SV2B: variants seen among roughly 807,000 people sequenced by gnomAD.
SV2B encodes synaptic vesicle glycoprotein 2B, also known as solute carrier family 22 member B2.
In SV2B, 41 loss-of-function variants were observed where a neutral mutation model predicts 73.9. The observed-to-expected ratio is 0.56, with a 90% CI of 0.43 to 0.72. The LOEUF (loss-of-function observed/expected upper bound fraction) is 0.72. Ranked by LOEUF, SV2B falls within the 30% of genes least tolerant of loss-of-function variation. The pLI, the probability that SV2B is intolerant of heterozygous loss-of-function variation, is 0.00. For synonymous variants in SV2B, 314 were observed against 314.2 expected (o/e 1.00, Z 0.01); for missense variants, 764 against 857.8 (o/e 0.89, Z 1.37).
chr15:91,290,527 A>G lies in SV2B; in HGVS notation c.1868+847A>G, dbSNP rs2049005820. 6.6e-6 allele frequency among the ~76,000 whole-genome samples: 1 copy of G among 152,232 alleles called. No homozygotes were observed. Among genetic ancestry groups the G allele is most frequent in the Admixed American group, 6.5e-5 (1 of 15,282 alleles). On this transcript the variant is annotated intron_variant, in intron 12 of 12. Transcript: ENST00000394232. The surrounding 1 kb of genome is among the most constrained non-coding windows in gnomAD (Gnocchi z 4.7). ...AAGAGAATTAACTTATGAGACCACT[A>G]TAGACAAAAAGACAATGTGGTCAGG...
At chr15:91,257,547 C>T (rs1183077020) in intron 4 of SV2B, among the ~76,000 whole-genome samples, 1 of 152,160 alleles carries the variant, frequency 6.6e-6, no homozygotes, top group East Asian at 1.9e-4. Context: ...TGATGGGATG[C>T]ATTGGAATGT....
chr15:91,129,932 G>A lies in SV2B; in HGVS notation c.-392+29569G>A, dbSNP rs2042591951. On this transcript the variant is annotated intron_variant, in intron 1 of 12. Coordinates refer to ENST00000394232, the MANE Select transcript of SV2B (RefSeq NM_001323032.3). This position sits in a 1 kb window ranked among gnomAD's most constrained non-coding sequence, Gnocchi z 5.1. ...ATGCATGTAACACGCTTAGCTCAGTGCCTGGTCCTTGGCAAAGGCTCAGCA... is the reference window on the plus strand; with the variant it reads ...ATGCATGTAACACGCTTAGCTCAGTACCTGGTCCTTGGCAAAGGCTCAGCA... Among the ~76,000 whole-genome samples the A allele has an allele frequency of 6.6e-6, 1 of 152,194 alleles. No homozygotes were observed. Among genetic ancestry groups the A allele is most frequent in the African/African-American group, 2.4e-5 (1 of 41,446 alleles).
At chr15:91,215,081 T>C (rs1206394896) in intron 1 of SV2B, among the ~76,000 whole-genome samples, 1 of 152,200 alleles carries the variant, frequency 6.6e-6, no homozygotes, top group African/African-American at 2.4e-5. Context: ...TGTCTCCTCT[T>C]GGAGAGCTCA....
chr15:91,286,127 G>A (rs2048852532), intron 11 of SV2B, among the ~76,000 whole-genome samples: 1 of 152,204 alleles, frequency 6.6e-6, no homozygotes, highest in Admixed American at 6.5e-5. Flanking sequence ...AGCTGAGACA[G>A]GACCTTCTTT....
chr15:91,135,599 G>T (rs2042796887), intron 1 of SV2B, among the ~76,000 whole-genome samples: 1 of 152,204 alleles, frequency 6.6e-6, no homozygotes, highest in South Asian at 2.1e-4. Flanking sequence ...ATGTAAAACA[G>T]CGTCTGTCTG....
intron 1 of SV2B, among the ~76,000 whole-genome samples, chr15:91,187,483 A>C (rs2044819194): frequency 6.6e-6 from 1 of 152,164 alleles, no homozygotes; most frequent in Admixed American, 6.5e-5. Context: ...CTGCTTATGA[A>C]ATCAGTGGCT....
chr15:91,182,343 G>A (rs2044611410), intron 1 of SV2B, among the ~76,000 whole-genome samples: 1 of 152,160 alleles, frequency 6.6e-6, no homozygotes, highest in African/African-American at 2.4e-5. Context: ...CTCATGTTGT[G>A]GCTGGCACAT....
chr15:91,224,981 G>GA lies in SV2B; in HGVS notation c.-391-884dup, dbSNP rs1275286157. Among the ~76,000 whole-genome samples, 8 of 151,730 alleles carry GA rather than the reference G, an allele frequency of 5.3e-5. No individual in the cohort carries two copies. Among genetic ancestry groups the GA allele is most frequent in the African/African-American group, 1.5e-4 (6 of 41,322 alleles). On this transcript the variant is annotated intron_variant, in intron 1 of 12. Transcript: ENST00000394232. This position sits in a 1 kb window ranked among gnomAD's most constrained non-coding sequence, Gnocchi z 4.9. The stretch of plus-strand genomic sequence containing the variant: ...CTGGTGTCCAGAATTGGAACTAGGG[G>GA]AAAAAAAAGAAGCAACACTCATGTC...
At chr15:91,269,762 A>G (rs2048231934) in intron 9 of SV2B, among the ~76,000 whole-genome samples, 1 of 152,222 alleles carries the variant, frequency 6.6e-6, no homozygotes, top group African/African-American at 2.4e-5. Context: ...GGAGAATATT[A>G]TTTCTACCAA....
chr15:91,275,773 C>G (rs2141726614), intron 9 of SV2B, among the ~76,000 whole-genome samples: 1 of 152,282 alleles, frequency 6.6e-6, no homozygotes, highest in African/African-American at 2.4e-5. Flanking sequence ...TTGCAGTGAG[C>G]TGAGATACCA....
At position 91,115,709 on chromosome 15, in the gene SV2B, G is replaced by T. The variant is rs2042160515; in HGVS notation, c.-392+15346G>T. Reference sequence around the variant, plus strand: ...TTTTTTTCTAAGGGGTTTCTAAGGGGTTCACATTTTTATAACCATCTCCTT... The same window carrying T: ...TTTTTTTCTAAGGGGTTTCTAAGGGTTTCACATTTTTATAACCATCTCCTT... On this transcript the variant is annotated intron_variant, in intron 1 of 12. Coordinates refer to ENST00000394232, the MANE Select transcript of SV2B (RefSeq NM_001323032.3). The surrounding 1 kb of genome is among the most constrained non-coding windows in gnomAD (Gnocchi z 4.3). Among the ~76,000 whole-genome samples the T allele has an allele frequency of 6.6e-6, 1 of 151,932 alleles. No individual in the cohort carries two copies. The highest frequency in any genetic ancestry group is 1.5e-5 in the Non-Finnish European group (1 of 68,004).
chr15:91,101,719 A>G (rs1489923407), intron 1 of SV2B: 1 of 152,074 alleles, frequency 6.6e-6, no homozygotes, highest in African/African-American at 2.4e-5. Flanking sequence ...AGTGACCCAC[A>G]TGACTCTCCC....
chr15:91,244,493 C>A lies in SV2B; in HGVS notation c.452-7326C>A, dbSNP rs1406378276. 3.3e-5 allele frequency among the ~76,000 whole-genome samples: 5 copies of A among 152,164 alleles called. No individual in the cohort carries two copies. In the East Asian group the frequency reaches 7.7e-4, roughly 23 times the overall value. Reference sequence around the variant, plus strand: ...ACTAGACGACATGTTAAAGCCAAACCTTTTCGACCCAAAAGAAAGTGTTTA... The same window carrying A: ...ACTAGACGACATGTTAAAGCCAAACATTTTCGACCCAAAAGAAAGTGTTTA... On this transcript the variant is annotated intron_variant, in intron 2 of 12. Coordinates refer to ENST00000394232, the MANE Select transcript of SV2B (RefSeq NM_001323032.3).
intron 1 of SV2B, among the ~76,000 whole-genome samples, chr15:91,104,974 C>T (rs1488095658): frequency 6.6e-6 from 1 of 152,210 alleles, no homozygotes; most frequent in Non-Finnish European, 1.5e-5. Context: ...GTTTCCTTTT[C>T]TTCCGGACTC....
intron 1 of SV2B, among the ~76,000 whole-genome samples, chr15:91,119,188 C>A: frequency 6.6e-6 from 1 of 152,208 alleles, no homozygotes; most frequent in Non-Finnish European, 1.5e-5. Flanking sequence ...CTTTCCCCAA[C>A]GGTAGGAGCT....
At position 91,181,112 on chromosome 15, in the gene SV2B, G is replaced by T. The variant is rs1264546044; in HGVS notation, c.-391-44761G>T. ...CTGTTTGTTAGTTTTCCTTCTAACA[G>T]ACAGGACCCTCAGCTGCAGGTCTGT... is the stretch of plus-strand genomic sequence containing the variant. On this transcript the variant is annotated intron_variant, in intron 1 of 12. Transcript: ENST00000394232. Among the ~76,000 whole-genome samples the T allele has an allele frequency of 2.6e-5, 4 of 152,324 alleles. 1 individual carries two copies. Among genetic ancestry groups the T allele is most frequent in the Non-Finnish European group, 2.9e-5 (2 of 68,026 alleles).
At chr15:91,173,459 A>T (rs933501222) in intron 1 of SV2B, among the ~76,000 whole-genome samples, 1 of 152,176 alleles carries the variant, frequency 6.6e-6, no homozygotes, top group African/African-American at 2.4e-5. Flanking sequence ...CCAAACCAGG[A>T]GCACTGCCTT....
At position 91,289,159 on chromosome 15, in the gene SV2B, T is replaced by C. The variant is rs967592581; in HGVS notation, c.1709-362T>C. On this transcript the variant is annotated intron_variant, in intron 11 of 12. Coordinates refer to ENST00000394232, the MANE Select transcript of SV2B (RefSeq NM_001323032.3). The surrounding 1 kb of genome is among the most constrained non-coding windows in gnomAD (Gnocchi z 4.9). ...GACTGAGGTTTTTGTTTTTGTTTTTTGGCCAATACTGATGTAGCTCAAGCA... is the reference window on the plus strand; with the variant it reads ...GACTGAGGTTTTTGTTTTTGTTTTTCGGCCAATACTGATGTAGCTCAAGCA... Among the ~76,000 whole-genome samples the C allele has an allele frequency of 2.6e-5, 4 of 152,204 alleles. No individual in the cohort carries two copies. Among genetic ancestry groups the C allele is most frequent in the African/African-American group, 9.7e-5 (4 of 41,448 alleles).
In SV2B at chr15:91,134,134, G is replaced by A. The variant is rs1309075741; in HGVS notation, c.-392+33771G>A. On this transcript the variant is annotated intron_variant, in intron 1 of 12. Coordinates refer to ENST00000394232, the MANE Select transcript of SV2B (RefSeq NM_001323032.3). The stretch of plus-strand genomic sequence containing the variant: ...CTGCCTCAGCCTCCCAAGTAGCTGG[G>A]ATTACAGGTGTGCACCACCACGCCT... 2.0e-5 allele frequency among the ~76,000 whole-genome samples: 3 copies of A among 151,414 alleles called. No homozygotes were observed. In the East Asian group the frequency reaches 5.8e-4, roughly 29 times the overall value.
Sources: gnomAD v4.1 joint callset for allele counts (sites outside exome capture counted in the v4.1 genomes callset) on GRCh38, gnomAD v4.1.1 for gene constraint, Gnocchi (gnomAD v3.1) non-coding constraint, MANE v1.5 for transcripts, NCBI Gene and HGNC (gene_info 2026-07-23, HGNC 2026-07-21) for gene names.